The following SH3BP4 variants were observed in gnomAD, a reference collection of about 807,000 sequenced individuals.
SH3BP4 encodes SH3 domain binding protein 4.
A neutral mutation model predicts 65.5 loss-of-function variants in SH3BP4; 33 were observed. The ratio of observed to expected loss-of-function variants is 0.50; its 90% CI spans 0.38 to 0.67. The LOEUF (loss-of-function observed/expected upper bound fraction) is 0.67, where lower values mean the gene tolerates loss of function less well. Among genes scored for constraint, SH3BP4 ranks in the 30% least tolerant of loss-of-function variants. The probability of loss-of-function intolerance (pLI) is 0.00; values close to 1 mark genes in which losing one functional copy is unlikely to be tolerated. For missense variants in SH3BP4, 1,134 were observed against 1,261.4 expected (o/e 0.90, Z 1.53); for synonymous variants, 552 against 545.5 (o/e 1.01, Z -0.17).
rs1043058173 is a variant in SH3BP4, at chr2:234,973,998, C to T, written c.-206-21305C>T. ...AACATGAGCCAGTCTCCAAGTGCTC[C>T]GGGTCTAGTAAGTCAACAGGGGAGG... is the stretch of plus-strand genomic sequence containing the variant. On this transcript the variant is annotated intron_variant, in intron 1 of 5. Transcript: ENST00000392011. Among the ~76,000 whole-genome samples the T allele has an allele frequency of 5.3e-5, 8 of 152,186 alleles. No homozygotes were observed. In the East Asian group the frequency reaches 5.8e-4, roughly 11 times the overall value.
rs952820019 is a variant in SH3BP4 at position 235,046,028 on chromosome 2, G to T, written c.2478+2781G>T. Among the ~76,000 whole-genome samples the T allele has an allele frequency of 1.3e-4, 20 of 152,152 alleles. No individual in the cohort carries two copies. On this transcript the variant is annotated intron_variant, in intron 4 of 5. Coordinates refer to ENST00000392011, the MANE Select transcript of SH3BP4 (RefSeq NM_014521.3). The surrounding 1 kb of genome is among the most constrained non-coding windows in gnomAD (Gnocchi z 4.2). Reference sequence around the variant, plus strand: ...GCCCCTGCCCCACAAAGTCGTGTAAGATCTGGCCCTACCCATCCCAACCCT... The same window carrying T: ...GCCCCTGCCCCACAAAGTCGTGTAATATCTGGCCCTACCCATCCCAACCCT...
At chr2:234,973,928 C>A (rs985276872) in intron 1 of SH3BP4, among the ~76,000 whole-genome samples, 1 of 152,162 alleles carries the variant, frequency 6.6e-6, no homozygotes, top group East Asian at 1.9e-4. Context: ...AGCCACTGCA[C>A]CTGGCCAAGC....
At chr2:235,050,655 C>A (rs994534082) in intron 4 of SH3BP4, among the ~76,000 whole-genome samples, 2 of 151,984 alleles carry the variant, frequency 1.3e-5, no homozygotes, top group African/African-American at 4.8e-5. Flanking sequence ...AAAAAGGTCA[C>A]CTTTTTGTAT....
Position 234,980,606 on chromosome 2 carries a change from G to A in SH3BP4, c.-206-14697G>A, listed in dbSNP as rs574369790. Reference sequence around the variant, plus strand: ...CTTTGTACATGACTTCCAGCTCAGCGTGCAAATGTTTATCTAGGGAGTGCG... The same window carrying A: ...CTTTGTACATGACTTCCAGCTCAGCATGCAAATGTTTATCTAGGGAGTGCG... On this transcript the variant is annotated intron_variant, in intron 1 of 5. Transcript: ENST00000392011. 1.5e-3 allele frequency among the ~76,000 whole-genome samples: 229 copies of A among 152,284 alleles called. 1 individual carries two copies. Among genetic ancestry groups the A allele is most frequent in the Middle Eastern group, 3.4e-3 (1 of 294 alleles).
chr2:234,992,271 G>A (rs925832039), intron 1 of SH3BP4, among the ~76,000 whole-genome samples: 1 of 152,186 alleles, frequency 6.6e-6, no homozygotes. Flanking sequence ...GCCTGGGGAG[G>A]GCTGGGCAGC....
chr2:235,022,498 G>A (rs1034099008), intron 2 of SH3BP4, among the ~76,000 whole-genome samples: 2 of 152,084 alleles, frequency 1.3e-5, no homozygotes, highest in African/African-American at 4.8e-5. Flanking sequence ...TCCAGCCTGG[G>A]CGACAGAGCG....
At chr2:234,964,669 G>A (rs1044009027) in intron 1 of SH3BP4, among the ~76,000 whole-genome samples, 1 of 152,150 alleles carries the variant, frequency 6.6e-6, no homozygotes, top group Non-Finnish European at 1.5e-5. Flanking sequence ...GTGGCTTGGT[G>A]AGTCCAAGGA....
intron 1 of SH3BP4, among the ~76,000 whole-genome samples, chr2:234,956,748 G>A (rs1402343477): frequency 4.0e-5 from 6 of 151,620 alleles, no homozygotes; most frequent in Non-Finnish European, 8.8e-5. Context: ...TTGTAGAAAT[G>A]GGGTTTCGCT....
chr2:234,969,795 G>A lies in SH3BP4; in HGVS notation c.-207+17625G>A, dbSNP rs192795475. On this transcript the variant is annotated intron_variant, in intron 1 of 5. Coordinates refer to ENST00000392011, the MANE Select transcript of SH3BP4 (RefSeq NM_014521.3). ...CTTTCCCTTACTGCCTCTGCCCAGT[G>A]GGACCTTCCTTCTCAGCTTTCAGGC... Among the ~76,000 whole-genome samples, 297 of 152,296 alleles carry A rather than the reference G, an allele frequency of 2.0e-3. 1 individual carries two copies. The highest frequency in any genetic ancestry group is 0.01 in the Middle Eastern group (3 of 294).
intron 2 of SH3BP4, among the ~76,000 whole-genome samples, chr2:235,020,134 G>C (rs1574826231): frequency 6.6e-6 from 1 of 152,162 alleles, no homozygotes; most frequent in Admixed American, 6.5e-5. Flanking sequence ...CCTGAAGCAG[G>C]TTTGTAGGAA....
At chr2:235,047,265 A>T (rs1695893446) in intron 4 of SH3BP4, among the ~76,000 whole-genome samples, 1 of 152,208 alleles carries the variant, frequency 6.6e-6, no homozygotes, top group African/African-American at 2.4e-5. Flanking sequence ...GCACATTCAC[A>T]TTTAAGCCTT....
rs899243301 is a variant in SH3BP4, at chr2:234,976,547, G to A, written c.-206-18756G>A. ...TTGTTTCATGATAAATACAGAAGCC[G>A]ATGTTTACCCGCCTCTGGTAGCGGA... On this transcript the variant is annotated intron_variant, in intron 1 of 5. Transcript: ENST00000392011. The surrounding 1 kb of genome is among the most constrained non-coding windows in gnomAD (Gnocchi z 4.7). Among the ~76,000 whole-genome samples the A allele has an allele frequency of 1.1e-4, 16 of 152,056 alleles. No homozygotes were observed. The highest frequency in any genetic ancestry group is 3.9e-4 in the Admixed American group (6 of 15,268).
rs145318979 is a variant in SH3BP4, at chr2:235,022,761, G to A, written c.-132-12110G>A. Among the ~76,000 whole-genome samples the A allele has an allele frequency of 1.1e-3, 160 of 152,280 alleles. 1 individual carries two copies. The highest frequency in any genetic ancestry group is 0.01 in the Middle Eastern group (3 of 294). ...TTTGGCAACCCTTCCTACTCTACTT[G>A]AAAGCAGTCCTAAGAAAATAACCCA... On this transcript the variant is annotated intron_variant, in intron 2 of 5. Transcript: ENST00000392011.
At chr2:234,985,913 CGA>C (rs1693540545) in intron 1 of SH3BP4, among the ~76,000 whole-genome samples, 1 of 137,176 alleles carries the variant, frequency 7.3e-6, no homozygotes, top group African/African-American at 2.8e-5. Flanking sequence ...CACACACCTA[CGA>C]GAACAGGGAC....
chr2:235,041,424 G>A lies in SH3BP4; in HGVS notation c.655G>A (p.Glu219Lys). 6.2e-7 allele frequency: 1 copy of A among 1,614,166 alleles called. No individual in the cohort carries two copies. Among genetic ancestry groups the A allele is most frequent in the Non-Finnish European group, 8.5e-7 (1 of 1,180,040 alleles). Residue 219 changes from glutamate (E) to lysine (K), a missense_variant, in exon 4 of 6, where the codon GAG becomes AAG. Coordinates refer to ENST00000392011, the MANE Select transcript of SH3BP4 (RefSeq NM_014521.3). This position sits in a 1 kb window ranked among gnomAD's most constrained non-coding sequence, Gnocchi z 6.0. ...TTNSTGNIFD[E>K]LPVTNGLHAE... is the part of the protein sequence containing the mutation. ...GAATAGCACTGGCAACATCTTCGATGAGCTTCCAGTCACAAACGGACTCCA... is the reference window on the plus strand; with the variant it reads ...GAATAGCACTGGCAACATCTTCGATAAGCTTCCAGTCACAAACGGACTCCA...
intron 2 of SH3BP4, among the ~76,000 whole-genome samples, chr2:235,028,595 A>T (rs1695077479): frequency 6.6e-6 from 1 of 152,232 alleles, no homozygotes; most frequent in African/African-American, 2.4e-5. Context: ...CCAACCATGC[A>T]CATGACAGGA....
chr2:234,993,389 A>C (rs1693814227), intron 1 of SH3BP4, among the ~76,000 whole-genome samples: 1 of 152,186 alleles, frequency 6.6e-6, no homozygotes, highest in Admixed American at 6.5e-5. Context: ...GAAGGGGCCC[A>C]GCAGTGCCGG....
chr2:235,011,553 C>T (rs1694505928), intron 2 of SH3BP4, among the ~76,000 whole-genome samples: 1 of 152,260 alleles, frequency 6.6e-6, no homozygotes, highest in Non-Finnish European at 1.5e-5. Context: ...GTGGCTCTCG[C>T]TGTCTTCCCT....
chr2:234,993,694 T>G (rs2106272887), intron 1 of SH3BP4, among the ~76,000 whole-genome samples: 1 of 152,360 alleles, frequency 6.6e-6, no homozygotes, highest in South Asian at 2.1e-4. Context: ...TTTTCAACTG[T>G]TCTGTCTTGA....
Sources: allele counts gnomAD v4.1 joint callset (sites outside exome capture counted in the v4.1 genomes callset), GRCh38; gene constraint gnomAD v4.1.1; non-coding constraint Gnocchi (gnomAD v3.1); transcripts MANE v1.5; gene names NCBI Gene and HGNC (gene_info 2026-07-23, HGNC 2026-07-21).